Variants in ENTPD1 observed in about 807,000 individuals in gnomAD.
ENTPD1 encodes the protein ATP diphosphohydrolase.
In ENTPD1, 33 loss-of-function variants were observed where a neutral mutation model predicts 57.0. The ratio of observed to expected loss-of-function variants is 0.58; its 90% confidence interval spans 0.44 to 0.77. The LOEUF is 0.77. ENTPD1 is among the 30% of genes least tolerant of loss of function. The probability of loss-of-function intolerance (pLI) is 0.00; values close to 1 mark genes in which losing one functional copy is unlikely to be tolerated. For missense variants in ENTPD1, 501 were observed against 603.4 expected (o/e 0.83, Z 1.78); for synonymous variants, 202 against 218.8 (o/e 0.92, Z 0.68).
chr10:95,868,088 AT>A lies in ENTPD1; in HGVS notation c.*1706del, dbSNP rs1394839178. On this transcript the variant is annotated 3_prime_UTR_variant, in exon 10 of 10. Transcript: ENST00000371205. ...CTGTGTGCTCAAGGGTATTACATTC[AT>A]CTTCTCATTTAATCCTCACAACAAT... is the stretch of plus-strand genomic sequence containing the variant. The A allele has an allele frequency of 4.1e-6, 4 of 983,714 alleles. No homozygotes were observed. In the African/African-American group the frequency reaches 7.0e-5, roughly 17 times the overall value. The allele number at this position is 983,714 out of a possible 1,614,324, so 60.9% of individuals were successfully genotyped here.
At chr10:95,701,930 CTT>C in the ENTPD1 span, among the ~76,000 whole-genome samples, 1 of 151,844 alleles carries the variant, frequency 6.6e-6, no homozygotes, top group African/African-American at 2.4e-5. Context: ...ACTTAGAGAA[CTT>C]TTATATTTTC....
At chr10:95,811,964 A>T (rs755264316) in intron 1 of ENTPD1, among the ~76,000 whole-genome samples, 8 of 152,168 alleles carry the variant, frequency 5.3e-5, no homozygotes, top group Non-Finnish European at 1.0e-4. Context: ...CAGTCAAAGG[A>T]TATATGTGCT....
chr10:95,854,896 G>A (rs1402878871), intron 7 of ENTPD1, among the ~76,000 whole-genome samples: 1 of 152,170 alleles, frequency 6.6e-6, no homozygotes, highest in Non-Finnish European at 1.5e-5. Flanking sequence ...GCGCTGAAAA[G>A]AATGTATATT....
At chr10:95,840,619 A>G (rs2098420386) in intron 3 of ENTPD1, among the ~76,000 whole-genome samples, 1 of 152,216 alleles carries the variant, frequency 6.6e-6, no homozygotes, top group Non-Finnish European at 1.5e-5. Flanking sequence ...GAATAGAGAC[A>G]AGAATCTAGG....
intron 7 of ENTPD1, among the ~76,000 whole-genome samples, chr10:95,852,244 A>C (rs11188506): frequency 0.27 from 40,920 of 152,088 alleles, 6,350 homozygotes; most frequent in Admixed American, 0.38. Context: ...AGAAGTGTCT[A>C]TTCAGGTCCT....
At chr10:95,825,966 C>A (rs1382467935) in intron 2 of ENTPD1, among the ~76,000 whole-genome samples, 1 of 152,126 alleles carries the variant, frequency 6.6e-6, no homozygotes, top group African/African-American at 2.4e-5. Context: ...TAAATTTATG[C>A]ATCGACAATT....
intron 1 of ENTPD1, among the ~76,000 whole-genome samples, chr10:95,745,470 G>T (rs1233174620): frequency 1.3e-5 from 2 of 152,196 alleles, no homozygotes; most frequent in Admixed American, 6.5e-5. Flanking sequence ...TTGAGCCACT[G>T]CACCTGGCCA....
At chr10:95,837,217 T>C (rs2098412052) in intron 2 of ENTPD1, among the ~76,000 whole-genome samples, 1 of 152,208 alleles carries the variant, frequency 6.6e-6, no homozygotes, top group Non-Finnish European at 1.5e-5. Flanking sequence ...TAGAATAAAA[T>C]CTGATCCCAG....
Position 95,869,868 on chromosome 10 carries a change from C to CTAT in ENTPD1, c.*3488_*3490dup. On this transcript the variant is annotated 3_prime_UTR_variant, in exon 10 of 10. Coordinates refer to ENST00000371205, the MANE Select transcript of ENTPD1 (RefSeq NM_001776.6). ...ACTAAATTTTCAAAATATTTTGTGT[C>CTAT]TATTACATTTACAGCACATCTTAAT... The CTAT allele has an allele frequency of 1.3e-6, 1 of 781,554 alleles. No homozygotes were observed. The highest frequency in any genetic ancestry group is 1.6e-6 in the Non-Finnish European group (1 of 644,140). The allele number at this position is 781,554 out of a possible 1,614,324, so 48.4% of individuals were successfully genotyped here. A position where few individuals can be genotyped will look rare whatever the true frequency, so the allele number is the denominator to read the frequency against.
chr10:95,868,104 C>T lies in ENTPD1; in HGVS notation c.*1721C>T. On this transcript the variant is annotated 3_prime_UTR_variant, in exon 10 of 10. Transcript: ENST00000371205. ...ATTACATTCATCTTCTCATTTAATC[C>T]TCACAACAATCTGAAGAAGGTAGGT... is the stretch of plus-strand genomic sequence containing the variant. 1.0e-6 allele frequency: 1 copy of T among 983,484 alleles called. No individual in the cohort carries two copies. The highest frequency in any genetic ancestry group is 1.2e-6 in the Non-Finnish European group (1 of 828,134). The allele number at this position is 983,484 out of a possible 1,614,324, so 60.9% of individuals were successfully genotyped here. A position where few individuals can be genotyped will look rare whatever the true frequency, so the allele number is the denominator to read the frequency against.
At chr10:95,760,562 G>A (rs954123524) in intron 1 of ENTPD1, among the ~76,000 whole-genome samples, 2 of 152,128 alleles carry the variant, frequency 1.3e-5, no homozygotes, top group Admixed American at 6.5e-5. Flanking sequence ...ATTGCACTGC[G>A]GGGTAATAAC....
chr10:95,778,617 T>G (rs2140162239), intron 1 of ENTPD1, among the ~76,000 whole-genome samples: 1 of 152,330 alleles, frequency 6.6e-6, no homozygotes, highest in South Asian at 2.1e-4. Context: ...TCTTTTAACC[T>G]TTTTGTTAAA....
intron 1 of ENTPD1, among the ~76,000 whole-genome samples, chr10:95,797,475 ATGCC>A (rs1201316450): frequency 6.6e-6 from 1 of 152,148 alleles, no homozygotes; most frequent in Admixed American, 6.5e-5. Flanking sequence ...CTTTAAAGGA[ATGCC>A]TGAGACTGGG....
chr10:95,845,238 G>A (rs2098432462), intron 5 of ENTPD1, 119 bp from the exon 6 acceptor site: 3 of 1,406,662 alleles, frequency 2.1e-6, no homozygotes, highest in Non-Finnish European at 3.0e-6. Flanking sequence ...CCTCTAGTGA[G>A]CTTTGCCTCA....
chr10:95,864,598 A>T, intron 8 of ENTPD1, 126 bp from the exon 9 acceptor site: 2 of 1,305,470 alleles, frequency 1.5e-6, no homozygotes, highest in Non-Finnish European at 2.2e-6. Flanking sequence ...CCTCTGGAAG[A>T]GGCCAACCTT....
intron 2 of ENTPD1, among the ~76,000 whole-genome samples, chr10:95,829,688 T>G (rs370883013): frequency 2.8e-4 from 43 of 152,186 alleles, no homozygotes; most frequent in African/African-American, 1.0e-3. Flanking sequence ...AGCTGCTAAT[T>G]GTGCCTGTTT....
rs1043809215 is a variant in ENTPD1 at position 95,870,448 on chromosome 10, A to G, written c.*4065A>G. On this transcript the variant is annotated 3_prime_UTR_variant, in exon 10 of 10. Transcript: ENST00000371205. Reference sequence around the variant, plus strand: ...CAGGTGTGCACCACCATGTCTAGCTATTTTTTTTTCTGTAGAGACAGGGTT... The same window carrying G: ...CAGGTGTGCACCACCATGTCTAGCTGTTTTTTTTTCTGTAGAGACAGGGTT... 1.8e-5 allele frequency: 12 copies of G among 684,552 alleles called. No individual in the cohort carries two copies. Among genetic ancestry groups the G allele is most frequent in the Non-Finnish European group, 2.2e-5 (12 of 556,466 alleles). The allele number at this position is 684,552 out of a possible 1,614,324, so 42.4% of individuals were successfully genotyped here.
At chr10:95,826,195 A>G (rs2098375694) in intron 2 of ENTPD1, among the ~76,000 whole-genome samples, 1 of 152,306 alleles carries the variant, frequency 6.6e-6, no homozygotes, top group South Asian at 2.1e-4. Context: ...TTTTGGGGCC[A>G]GGCAAGTCTT....
upstream of ENTPD1, chr10:95,756,084 C>G (rs1376362823): frequency 6.6e-7 from 1 of 1,513,502 alleles, no homozygotes; most frequent in South Asian, 1.3e-5. Flanking sequence ...AGGTTCCTTC[C>G]GAAACGGGGC....
Sources: gnomAD v4.1 joint callset for allele counts (sites outside exome capture counted in the v4.1 genomes callset) on GRCh38, gnomAD v4.1.1 for gene constraint, MANE v1.5 for transcripts, NCBI Gene and HGNC (gene_info 2026-07-23, HGNC 2026-07-21) for gene names.